Variants in APP observed in about 807,000 individuals in gnomAD.
APP encodes amyloid-beta precursor protein.
In APP, 31 loss-of-function variants were observed where a neutral mutation model predicts 101.4. The observed-to-expected ratio is 0.31, with a 90% CI of 0.23 to 0.41. The LOEUF (loss-of-function observed/expected upper bound fraction) is 0.41, where lower values mean the gene tolerates loss of function less well. Among genes scored for constraint, APP ranks in the 10% least tolerant of loss-of-function variants. APP has a pLI of 1.00. For synonymous variants in APP, 366 were observed against 364.4 expected (o/e 1.00, Z -0.05); for missense variants, 839 against 1,003.7 (o/e 0.84, Z 2.22).
intron 8 of APP, among the ~76,000 whole-genome samples, chr21:25,988,489 G>A (rs1029124810): frequency 8.6e-5 from 13 of 152,036 alleles, no homozygotes; most frequent in Non-Finnish European, 1.3e-4. Flanking sequence ...ATCACCTGAG[G>A]TCAGGAGTTT....
At chr21:26,157,969 A>G (rs1343320545) in intron 1 of APP, 3 of 152,202 alleles carry the variant, frequency 2.0e-5, no homozygotes, top group Non-Finnish European at 2.9e-5. Context: ...GAACAAGCAC[A>G]ACAAAATTGT....
At chr21:26,005,113 T>TA (rs1405609403) in intron 6 of APP, among the ~76,000 whole-genome samples, 2 of 152,016 alleles carry the variant, frequency 1.3e-5, no homozygotes, top group Non-Finnish European at 2.9e-5. Flanking sequence ...AAAGCCCACA[T>TA]AAAAAAATGA....
chr21:25,987,523 C>T (rs868316161), intron 8 of APP, among the ~76,000 whole-genome samples: 1 of 152,160 alleles, frequency 6.6e-6, no homozygotes, highest in African/African-American at 2.4e-5. Flanking sequence ...TAGGCTATTA[C>T]CTCCCTTCCT....
chr21:25,974,112 G>A (rs1053471649), intron 11 of APP, among the ~76,000 whole-genome samples: 4 of 151,940 alleles, frequency 2.6e-5, no homozygotes, highest in Admixed American at 2.0e-4. Flanking sequence ...CCATGAATAA[G>A]TCTCATCATT....
intron 3 of APP, among the ~76,000 whole-genome samples, chr21:26,059,579 C>T (rs2046183622): frequency 6.6e-6 from 1 of 152,086 alleles, no homozygotes; most frequent in Non-Finnish European, 1.5e-5. Flanking sequence ...AAAGCAGCTA[C>T]AATGATTTCA....
At chr21:26,162,607 T>C (rs1007094444) in intron 1 of APP, among the ~76,000 whole-genome samples, 1 of 151,812 alleles carries the variant, frequency 6.6e-6, no homozygotes, top group Non-Finnish European at 1.5e-5. Context: ...AACCTCTCAT[T>C]TTTCTTCCTG....
chr21:26,051,635 G>C (rs1283313921), intron 4 of APP, among the ~76,000 whole-genome samples: 1 of 152,122 alleles, frequency 6.6e-6, no homozygotes, highest in African/African-American at 2.4e-5. Flanking sequence ...CCTTATCCTA[G>C]AAATTCTGAC....
intron 1 of APP, among the ~76,000 whole-genome samples, chr21:26,156,796 T>A (rs1003108281): frequency 1.3e-5 from 2 of 152,192 alleles, no homozygotes; most frequent in Admixed American, 6.5e-5. Context: ...TAAAGGAGAT[T>A]TATTTAATTT....
chr21:26,132,052 A>C (rs2062808238), intron 1 of APP, among the ~76,000 whole-genome samples: 1 of 152,130 alleles, frequency 6.6e-6, no homozygotes, highest in Admixed American at 6.5e-5. Context: ...TAATTTTGTA[A>C]ACAGAGTCAG....
intron 3 of APP, among the ~76,000 whole-genome samples, chr21:26,074,847 G>A (rs916052025): frequency 1.3e-5 from 2 of 152,118 alleles, no homozygotes; most frequent in Non-Finnish European, 2.9e-5. Context: ...AAACACAGAT[G>A]CCTCTGATAC....
chr21:26,091,321 C>T (rs900042332), intron 2 of APP, among the ~76,000 whole-genome samples: 5 of 152,054 alleles, frequency 3.3e-5, no homozygotes, highest in Non-Finnish European at 4.4e-5. Context: ...GAATGTATGG[C>T]GCACAGGACT....
At chr21:25,912,799 T>C (rs1267808682) in intron 13 of APP, among the ~76,000 whole-genome samples, 1 of 152,200 alleles carries the variant, frequency 6.6e-6, no homozygotes, top group Non-Finnish European at 1.5e-5. Flanking sequence ...TATCTTTTCT[T>C]ACTGGAAAAA....
At chr21:25,976,147 T>A (rs3737415) in intron 9 of APP, 119 bp from the exon 10 acceptor site, 2 of 789,764 alleles carry the variant, frequency 2.5e-6, no homozygotes, top group East Asian at 2.8e-5. Flanking sequence ...TTTAAAAAAT[T>A]TATTACATAC....
At chr21:25,882,342 A>G (rs1378098546) in intron 17 of APP, among the ~76,000 whole-genome samples, 1 of 150,012 alleles carries the variant, frequency 6.7e-6, no homozygotes, top group East Asian at 2.0e-4. Context: ...AAACAATAAC[A>G]TATACCAAAG....
rs577755111 is a variant in APP at position 26,150,464 on chromosome 21, T to A, written c.57+20100A>T. On this transcript the variant is annotated intron_variant, in intron 1 of 17. Transcript: ENST00000346798. ...AGCTCAAATTAGTACTTTGCTGAAA[T>A]GGCATATTTGGGGGTAGCATATTCT... 5.3e-5 allele frequency among the ~76,000 whole-genome samples: 8 copies of A among 152,296 alleles called. No individual in the cohort carries two copies. In the South Asian group the frequency reaches 1.7e-3, roughly 32 times the overall value.
chr21:25,966,205 G>A (rs45575835), intron 11 of APP, among the ~76,000 whole-genome samples: 1,544 of 152,224 alleles, frequency 0.01, 19 homozygotes, highest in African/African-American at 0.035. Context: ...GTACTGAGTG[G>A]CTTTACTGAA....
chr21:25,980,329 C>T (rs1331458091), intron 9 of APP, among the ~76,000 whole-genome samples: 3 of 152,184 alleles, frequency 2.0e-5, no homozygotes, highest in Non-Finnish European at 4.4e-5. Flanking sequence ...CACAGGAAGC[C>T]TCTGAAAGCT....
intron 17 of APP, among the ~76,000 whole-genome samples, chr21:25,888,095 G>A (rs1428219823): frequency 2.0e-5 from 3 of 152,156 alleles, no homozygotes; most frequent in Non-Finnish European, 2.9e-5. Flanking sequence ...AAGTACAATG[G>A]TATTCTGTCC....
chr21:26,118,629 C>T lies in APP; in HGVS notation c.58-6483G>A, dbSNP rs554118324. On this transcript the variant is annotated intron_variant, in intron 1 of 17. Transcript: ENST00000346798. ...GTGCAGCGGGGTGATCTCGGCTCAC[C>T]GCAACCTCTGCCTCCTGGGTTCAAG... Among the ~76,000 whole-genome samples the T allele has an allele frequency of 1.4e-3, 209 of 152,170 alleles. 1 individual carries two copies. The highest frequency in any genetic ancestry group is 1.9e-3 in the Non-Finnish European group (128 of 67,996).
Sources: gnomAD v4.1 joint callset for allele counts (sites outside exome capture counted in the v4.1 genomes callset) on GRCh38, gnomAD v4.1.1 for gene constraint, MANE v1.5 for transcripts, NCBI Gene and HGNC (gene_info 2026-07-23, HGNC 2026-07-21) for gene names.